The following DAB1 variants were observed in gnomAD, a reference collection of about 807,000 sequenced individuals.
The protein encoded by DAB1 is disabled homolog 1.
In DAB1, 15 loss-of-function variants were observed where a neutral mutation model predicts 64.6. The ratio of observed to expected loss-of-function variants is 0.23; its 90% confidence interval spans 0.16 to 0.36. The LOEUF is 0.36. DAB1 is among the 10% of genes least tolerant of loss of function. DAB1 has a pLI of 1.00. For missense variants in DAB1, 596 were observed against 706.7 expected (o/e 0.84, Z 1.78); for synonymous variants, 235 against 251.9 (o/e 0.93, Z 0.64).
intron 6 of DAB1, among the ~76,000 whole-genome samples, chr1:57,806,704 C>T (rs1042374211): frequency 6.6e-6 from 1 of 152,194 alleles, no homozygotes; most frequent in East Asian, 1.9e-4. Flanking sequence ...TTCCATCTAC[C>T]TGGAATAGTC....
intron 3 of DAB1, among the ~76,000 whole-genome samples, chr1:58,395,732 G>C (rs1181762386): frequency 6.6e-6 from 1 of 152,176 alleles, no homozygotes; most frequent in East Asian, 1.9e-4. Flanking sequence ...CAGGTAGTCT[G>C]TTCATTTGAC....
At chr1:57,246,459 G>T (rs761465561) in intron 2 of DAB1, among the ~76,000 whole-genome samples, 5 of 152,232 alleles carry the variant, frequency 3.3e-5, no homozygotes, top group Non-Finnish European at 7.3e-5. Flanking sequence ...CCTCCACATA[G>T]ATTTCAGAGG....
chr1:57,292,513 A>G (rs1461855490), intron 1 of DAB1, among the ~76,000 whole-genome samples: 2 of 152,174 alleles, frequency 1.3e-5, no homozygotes, highest in Non-Finnish European at 2.9e-5. Context: ...CTTTTATACC[A>G]TCTATCTATA....
At chr1:57,932,561 T>G (rs575111776) in intron 5 of DAB1, among the ~76,000 whole-genome samples, 1 of 151,878 alleles carries the variant, frequency 6.6e-6, no homozygotes, top group African/African-American at 2.4e-5. Flanking sequence ...CAATAGTGGA[T>G]TCATCTATTT....
intron 10 of DAB1, among the ~76,000 whole-genome samples, chr1:57,024,142 T>G (rs1646709271): frequency 6.6e-6 from 1 of 152,132 alleles, no homozygotes; most frequent in Admixed American, 6.5e-5. Flanking sequence ...ATTTAGCAAG[T>G]GGTGCACAGA....
intron 7 of DAB1, among the ~76,000 whole-genome samples, chr1:57,597,638 A>G (rs1430528296): frequency 6.6e-6 from 1 of 152,370 alleles, no homozygotes; most frequent in African/African-American, 2.4e-5. Context: ...ATAGCTAACA[A>G]TAACAGGTAA....
intron 4 of DAB1, among the ~76,000 whole-genome samples, chr1:58,244,111 A>G (rs1660424011): frequency 6.6e-6 from 1 of 152,238 alleles, no homozygotes; most frequent in Admixed American, 6.5e-5. Flanking sequence ...TGTGACTCTC[A>G]GCATTCATTT....
chr1:58,487,761 C>T (rs921840917), intron 3 of DAB1, among the ~76,000 whole-genome samples: 1 of 152,128 alleles, frequency 6.6e-6, no homozygotes. Context: ...CTACTCCTAG[C>T]TGCATCCACT....
At chr1:57,212,854 G>A (rs1323104482) in intron 2 of DAB1, among the ~76,000 whole-genome samples, 1 of 152,162 alleles carries the variant, frequency 6.6e-6, no homozygotes, top group Non-Finnish European at 1.5e-5. Flanking sequence ...TTGGACTCAA[G>A]GCTGGATGTC....
chr1:57,278,724 G>C (rs143541283), intron 2 of DAB1, among the ~76,000 whole-genome samples: 2 of 152,142 alleles, frequency 1.3e-5, no homozygotes, highest in Non-Finnish European at 2.9e-5. Flanking sequence ...ATGCTCAAAG[G>C]GGGGCAAGCA....
chr1:58,494,028 C>G (rs1212244851), intron 3 of DAB1, among the ~76,000 whole-genome samples: 1 of 151,816 alleles, frequency 6.6e-6, no homozygotes, highest in Non-Finnish European at 1.5e-5. Flanking sequence ...TACTACAAGG[C>G]TACAGTAACC....
At chr1:58,466,688 A>G (rs1645299996) in intron 3 of DAB1, among the ~76,000 whole-genome samples, 1 of 151,468 alleles carries the variant, frequency 6.6e-6, no homozygotes, top group Non-Finnish European at 1.5e-5. Flanking sequence ...CCCTCCACCT[A>G]CCCTCACCTG....
intron 2 of DAB1, among the ~76,000 whole-genome samples, chr1:57,185,525 C>T (rs1663454295): frequency 1.1e-5 from 1 of 88,398 alleles, no homozygotes; most frequent in Non-Finnish European, 2.2e-5. Flanking sequence ...GCAACCAAGA[C>T]ACAAGAATGG....
At chr1:57,672,340 T>A (rs1168038752) in intron 6 of DAB1, among the ~76,000 whole-genome samples, 1 of 152,204 alleles carries the variant, frequency 6.6e-6, no homozygotes, top group East Asian at 1.9e-4. Context: ...GTTAATATCA[T>A]AAGTGTTCAG....
intron 6 of DAB1, among the ~76,000 whole-genome samples, chr1:57,668,262 T>A (rs1346228057): frequency 6.6e-6 from 1 of 152,066 alleles, no homozygotes; most frequent in Non-Finnish European, 1.5e-5. Context: ...TACTAAAAAA[T>A]TTAAGATTAC....
At chr1:57,357,390 T>G (rs2100882625) in intron 1 of DAB1, among the ~76,000 whole-genome samples, 1 of 152,174 alleles carries the variant, frequency 6.6e-6, no homozygotes, top group African/African-American at 2.4e-5. Context: ...AGGGTTGCTC[T>G]GTGGCTTGAC....
In DAB1 at chr1:57,512,129, G is replaced by T. The variant is rs536033879; in HGVS notation, n.625+137463C>A. On this transcript the variant is annotated intron_variant and non_coding_transcript_variant, in intron 7 of 20. Transcript: ENST00000485760. ...AATGTCAGAAAATAAGATGAAACTG[G>T]GAATTCAAACTCAGTGTATCTAATT... Among the ~76,000 whole-genome samples the T allele has an allele frequency of 4.6e-5, 7 of 151,966 alleles. No individual in the cohort carries two copies. In the South Asian group the frequency reaches 8.3e-4, roughly 18 times the overall value.
At chr1:57,452,091 G>A (rs1261550358) in intron 7 of DAB1, among the ~76,000 whole-genome samples, 1 of 150,178 alleles carries the variant, frequency 6.7e-6, no homozygotes, top group African/African-American at 2.5e-5. Flanking sequence ...GGCCCCATGA[G>A]ATGGTACTTA....
At chr1:57,326,852 G>T (rs1676198912) in intron 1 of DAB1, among the ~76,000 whole-genome samples, 1 of 152,068 alleles carries the variant, frequency 6.6e-6, no homozygotes, top group African/African-American at 2.4e-5. Flanking sequence ...CATCACACTG[G>T]GGGCTTAGGG....
Sources: gnomAD v4.1 joint callset for allele counts (sites outside exome capture counted in the v4.1 genomes callset) on GRCh38, gnomAD v4.1.1 for gene constraint, MANE v1.5 for transcripts, NCBI Gene and HGNC (gene_info 2026-07-23, HGNC 2026-07-21) for gene names.